Variants in CTNND2 observed in about 807,000 individuals in gnomAD.
CTNND2 encodes the protein catenin delta-2.
Under a neutral mutation model 144.4 loss-of-function variants are expected in CTNND2, and 22 were observed. The ratio of observed to expected loss-of-function variants is 0.15; its 90% CI spans 0.11 to 0.22. CTNND2 has a LOEUF of 0.22. CTNND2 is among the 10% of genes least tolerant of loss of function. The pLI is 1.00. For synonymous variants in CTNND2, 751 were observed against 695.6 expected (o/e 1.08, Z -1.25); for missense variants, 1,353 against 1,618.8 (o/e 0.84, Z 2.82).
chr5:11,036,253 G>A (rs1295580680), intron 16 of CTNND2, among the ~76,000 whole-genome samples: 1 of 151,974 alleles, frequency 6.6e-6, no homozygotes, highest in Non-Finnish European at 1.5e-5. Flanking sequence ...GAAAATGCTA[G>A]AGTTCCTAAT....
At chr5:11,547,453 C>A (rs1470284770) in intron 3 of CTNND2, among the ~76,000 whole-genome samples, 3 of 151,944 alleles carry the variant, frequency 2.0e-5, no homozygotes, top group African/African-American at 7.3e-5. Flanking sequence ...ACCAAGCATT[C>A]TATTCATCAA....
chr5:11,459,252 C>T (rs529466757), intron 3 of CTNND2, among the ~76,000 whole-genome samples: 2 of 152,036 alleles, frequency 1.3e-5, no homozygotes, highest in Non-Finnish European at 2.9e-5. Context: ...ACAATGCTGT[C>T]GATGATGAAA....
At chr5:11,058,690 C>T (rs946965446) in intron 16 of CTNND2, among the ~76,000 whole-genome samples, 1 of 152,186 alleles carries the variant, frequency 6.6e-6, no homozygotes, top group African/African-American at 2.4e-5. Flanking sequence ...AATGGTAGAT[C>T]CAATGACCTC....
intron 3 of CTNND2, among the ~76,000 whole-genome samples, chr5:11,556,588 T>A (rs968840064): frequency 3.9e-5 from 6 of 151,980 alleles, no homozygotes; most frequent in Admixed American, 3.9e-4. Flanking sequence ...AAGTCTGACT[T>A]TTTTTGCATA....
chr5:11,692,710 T>G (rs1784963199), intron 2 of CTNND2, among the ~76,000 whole-genome samples: 1 of 152,256 alleles, frequency 6.6e-6, no homozygotes, highest in Non-Finnish European at 1.5e-5. Context: ...CAAGTGATTC[T>G]CCTGCCTCAG....
At chr5:11,083,532 T>C (rs1261984535) in intron 15 of CTNND2, among the ~76,000 whole-genome samples, 1 of 152,188 alleles carries the variant, frequency 6.6e-6, no homozygotes, top group Non-Finnish European at 1.5e-5. Context: ...TCAGCCTTAA[T>C]GGAACACAGG....
At chr5:11,412,208 G>A in intron 3 of CTNND2, 139 bp from the exon 4 acceptor site, 1 of 643,814 alleles carries the variant, frequency 1.6e-6, no homozygotes, top group Non-Finnish European at 2.8e-6. Context: ...TATGAAAAGG[G>A]ATTCCACTTT....
At position 11,257,258 on chromosome 5, in the gene CTNND2, T is replaced by C. The variant is rs576269319; in HGVS notation, c.1629-20435A>G. On this transcript the variant is annotated intron_variant, in intron 9 of 21. Coordinates refer to ENST00000304623, the MANE Select transcript of CTNND2 (RefSeq NM_001332.4). Reference sequence around the variant, plus strand: ...AGGGTGTGCAGCAATTACCTCTTGTTTCCTTGGTTCAAGCACCTAAGTGAA... The same window carrying C: ...AGGGTGTGCAGCAATTACCTCTTGTCTCCTTGGTTCAAGCACCTAAGTGAA... 8.5e-5 allele frequency among the ~76,000 whole-genome samples: 13 copies of C among 152,210 alleles called. No individual in the cohort carries two copies. In the East Asian group the frequency reaches 2.5e-3, roughly 29 times the overall value.
chr5:11,193,937 T>G (rs925499491), intron 11 of CTNND2, among the ~76,000 whole-genome samples: 52 of 152,216 alleles, frequency 3.4e-4, no homozygotes, highest in African/African-American at 1.2e-3. Context: ...AGAGATAATA[T>G]CTGTAAACAT....
At chr5:11,005,971 C>T (rs34522948) in intron 18 of CTNND2, among the ~76,000 whole-genome samples, 4,350 of 152,088 alleles carry the variant, frequency 0.029, 112 homozygotes, top group Non-Finnish European at 0.036. Flanking sequence ...AATTAAAAAA[C>T]AATTGTCTTA....
intron 2 of CTNND2, among the ~76,000 whole-genome samples, chr5:11,650,394 C>T (rs1388703708): frequency 6.6e-6 from 1 of 152,080 alleles, no homozygotes; most frequent in Admixed American, 6.5e-5. Context: ...TCTCAGTAGT[C>T]CTTTATAGCA....
chr5:11,605,330 A>G (rs939832095), intron 2 of CTNND2, among the ~76,000 whole-genome samples: 2 of 152,246 alleles, frequency 1.3e-5, no homozygotes, highest in African/African-American at 4.8e-5. Flanking sequence ...TGTAGCAAAC[A>G]GACAAGGGTC....
At chr5:11,317,640 G>GA (rs1457642149) in intron 9 of CTNND2, among the ~76,000 whole-genome samples, 2 of 152,078 alleles carry the variant, frequency 1.3e-5, no homozygotes, top group African/African-American at 4.8e-5. Flanking sequence ...ATCTTTCAGG[G>GA]AAAGTATTTT....
intron 1 of CTNND2, among the ~76,000 whole-genome samples, chr5:11,874,791 A>G (rs1735428543): frequency 6.6e-6 from 1 of 152,242 alleles, no homozygotes; most frequent in South Asian, 2.1e-4. Context: ...AATTGAGGAT[A>G]AGAGGGGACT....
At chr5:11,345,095 T>G (rs984550490) in intron 9 of CTNND2, among the ~76,000 whole-genome samples, 1 of 152,210 alleles carries the variant, frequency 6.6e-6, no homozygotes, top group African/African-American at 2.4e-5. Flanking sequence ...TTTCTACACA[T>G]TTTCAGTAGC....
At chr5:11,558,379 T>TGA (rs1561554476) in intron 3 of CTNND2, among the ~76,000 whole-genome samples, 1 of 40,970 alleles carries the variant, frequency 2.4e-5, no homozygotes, top group African/African-American at 5.8e-5. Context: ...TGTGTGTGTG[T>TGA]GTGACACACA....
chr5:11,664,368 G>A (rs553182778), intron 2 of CTNND2, among the ~76,000 whole-genome samples: 28 of 152,198 alleles, frequency 1.8e-4, no homozygotes, highest in African/African-American at 6.0e-4. Flanking sequence ...CAAGGCCAGC[G>A]GATCACGAGG....
chr5:11,162,399 T>C (rs553364389), intron 11 of CTNND2, among the ~76,000 whole-genome samples: 1 of 152,308 alleles, frequency 6.6e-6, no homozygotes, highest in Non-Finnish European at 1.5e-5. Flanking sequence ...TATCTTTTTA[T>C]AGGCTGTTCT....
intron 9 of CTNND2, among the ~76,000 whole-genome samples, chr5:11,330,986 T>C (rs957352906): frequency 6.6e-6 from 1 of 152,170 alleles, no homozygotes; most frequent in African/African-American, 2.4e-5. Context: ...AGTCTGTTAA[T>C]ACTTCAGTCA....
Sources: gnomAD v4.1 joint callset for allele counts (sites outside exome capture counted in the v4.1 genomes callset) on GRCh38, gnomAD v4.1.1 for gene constraint, MANE v1.5 for transcripts, NCBI Gene and HGNC (gene_info 2026-07-23, HGNC 2026-07-21) for gene names.